ACSS3: variants seen among roughly 807,000 people sequenced by gnomAD.
The protein encoded by ACSS3 is acyl-CoA synthetase short chain family member 3, also known as acyl-CoA synthetase short-chain family member 3, mitochondrial.
A neutral mutation model predicts 84.2 loss-of-function variants in ACSS3; 64 were observed. The ratio of observed to expected loss-of-function variants is 0.76; its 90% CI spans 0.62 to 0.94. The LOEUF is 0.94. ACSS3 is among the 40% of genes least tolerant of loss of function. ACSS3 has a pLI of 0.00. For synonymous variants in ACSS3, 317 were observed against 310.1 expected (o/e 1.02, Z -0.23); for missense variants, 815 against 867.6 (o/e 0.94, Z 0.76).
chr12:81,170,129 G>A (rs2029926715), intron 7 of ACSS3, among the ~76,000 whole-genome samples: 1 of 152,046 alleles, frequency 6.6e-6, no homozygotes, highest in Non-Finnish European at 1.5e-5. Flanking sequence ...TAATAATAAA[G>A]CAAATTTTTT....
At chr12:81,199,294 T>C in intron 8 of ACSS3, 47 bp from the exon 9 acceptor site, 1 of 1,513,042 alleles carries the variant, frequency 6.6e-7, no homozygotes, top group East Asian at 2.3e-5. Flanking sequence ...TACAATTATT[T>C]AGATTTATTT....
chr12:81,114,856 A>G (rs1303036372), intron 2 of ACSS3, among the ~76,000 whole-genome samples: 2 of 152,160 alleles, frequency 1.3e-5, no homozygotes, highest in Non-Finnish European at 2.9e-5. Context: ...AATTCCATGT[A>G]AGCAACAAAG....
At chr12:81,157,768 C>G (rs571691887) in intron 7 of ACSS3, among the ~76,000 whole-genome samples, 1 of 152,170 alleles carries the variant, frequency 6.6e-6, no homozygotes, top group South Asian at 2.1e-4. Context: ...GATCGCAACA[C>G]TGCACTCCAG....
intron 2 of ACSS3, among the ~76,000 whole-genome samples, chr12:81,126,754 C>G (rs1469579798): frequency 6.6e-6 from 1 of 152,062 alleles, no homozygotes; most frequent in African/African-American, 2.4e-5. Flanking sequence ...AAATAATTAT[C>G]TATTTCACTT....
At chr12:81,096,013 A>G (rs908768889) in intron 1 of ACSS3, among the ~76,000 whole-genome samples, 16 of 152,342 alleles carry the variant, frequency 1.1e-4, no homozygotes, top group Admixed American at 6.5e-4. Context: ...CAATTACCCA[A>G]TTTGGAGAGT....
Position 81,255,092 on chromosome 12 carries a change from C to A in ACSS3, c.*170C>A. The A allele has an allele frequency of 1.6e-6, 1 of 606,546 alleles. No individual in the cohort carries two copies. The highest frequency in any genetic ancestry group is 2.6e-6 in the Non-Finnish European group (1 of 377,642). The allele number at this position is 606,546 out of a possible 1,614,324, so 37.6% of individuals were successfully genotyped here. On this transcript the variant is annotated 3_prime_UTR_variant, in exon 16 of 16. Transcript: ENST00000548058. ...AATGAAAACATGTGAAAGACCTGTG[C>A]CTTTTTTTTGGTTTGACCCTGTTAG...
In ACSS3 at chr12:81,254,964, A is replaced by C. The variant is rs2136023537; in HGVS notation, c.*42A>C. The C allele has an allele frequency of 3.5e-6, 5 of 1,428,978 alleles. 1 individual carries two copies. In the Middle Eastern group the frequency reaches 9.2e-4, roughly 262 times the overall value. 88.5% of individuals were successfully genotyped at this position (1,428,978 alleles called of 1,614,324 possible). The stretch of plus-strand genomic sequence containing the variant: ...CTATTTTGAGTTGATTTAATTTCTT[A>C]ATTGAAATTAAATTATTTGAGTTGT... On this transcript the variant is annotated 3_prime_UTR_variant, in exon 16 of 16. Transcript: ENST00000548058.
intron 9 of ACSS3, among the ~76,000 whole-genome samples, chr12:81,200,567 T>C (rs1297897996): frequency 6.6e-6 from 1 of 152,180 alleles, no homozygotes; most frequent in African/African-American, 2.4e-5. Context: ...ATACTTTTTA[T>C]ATTATGTCCT....
intron 8 of ACSS3, among the ~76,000 whole-genome samples, chr12:81,190,400 T>G (rs2031503900): frequency 6.6e-6 from 1 of 152,090 alleles, no homozygotes; most frequent in Non-Finnish European, 1.5e-5. Flanking sequence ...AATGGTATTG[T>G]TTACATTTGC....
chr12:81,172,824 T>C (rs2030180011), intron 7 of ACSS3, among the ~76,000 whole-genome samples: 1 of 152,220 alleles, frequency 6.6e-6, no homozygotes, highest in Admixed American at 6.5e-5. Context: ...TTAATTATGA[T>C]ATTAATATCA....
At chr12:81,136,329 C>T (rs2525841) in intron 3 of ACSS3, among the ~76,000 whole-genome samples, 135,489 of 152,172 alleles carry the variant, frequency 0.89, 61,308 homozygotes, top group Middle Eastern at 0.98. Context: ...TGATCTCTAT[C>T]GCACCTACTC....
At chr12:81,153,481 A>G (rs892119855) in intron 7 of ACSS3, among the ~76,000 whole-genome samples, 6 of 152,066 alleles carry the variant, frequency 3.9e-5, no homozygotes, top group African/African-American at 9.7e-5. Context: ...TGCAGATATT[A>G]TAAGTATATT....
chr12:81,217,402 C>A (rs1470841528), intron 10 of ACSS3, among the ~76,000 whole-genome samples: 4 of 152,132 alleles, frequency 2.6e-5, no homozygotes, highest in African/African-American at 9.7e-5. Flanking sequence ...TGAGATAACA[C>A]TGCTGGTTAG....
At chr12:81,114,791 C>G (rs1262969117) in intron 2 of ACSS3, among the ~76,000 whole-genome samples, 1 of 151,958 alleles carries the variant, frequency 6.6e-6, no homozygotes, top group African/African-American at 2.4e-5. Flanking sequence ...AATATATATT[C>G]AGATAGGAGA....
At chr12:81,141,497 G>A (rs957203555) in intron 4 of ACSS3, among the ~76,000 whole-genome samples, 1 of 152,128 alleles carries the variant, frequency 6.6e-6, no homozygotes, top group African/African-American at 2.4e-5. Flanking sequence ...CGCCTTTTAA[G>A]AATTATAAGA....
Position 81,139,198 on chromosome 12 carries a change from TAGA to T in ACSS3, c.719_721del (p.Glu240del). 6.2e-7 allele frequency: 1 copy of T among 1,614,020 alleles called. No homozygotes were observed. Among genetic ancestry groups the T allele is most frequent in the Non-Finnish European group, 8.5e-7 (1 of 1,179,912 alleles). On this transcript the variant is annotated inframe_deletion, in exon 4 of 16. Transcript: ENST00000548058. The stretch of plus-strand genomic sequence containing the variant: ...AGGAGGGTAGAGTACGTACCACTTG[TAGA>T]AGAAGCGCTAAAAATAGGACAACAC...
At chr12:81,110,640 T>C (rs1883496538) in intron 2 of ACSS3, among the ~76,000 whole-genome samples, 2 of 152,210 alleles carry the variant, frequency 1.3e-5, no homozygotes, top group Non-Finnish European at 2.9e-5. Flanking sequence ...TTGTGGGTGC[T>C]GCCATGTACA....
intron 7 of ACSS3, among the ~76,000 whole-genome samples, chr12:81,169,742 T>C (rs1887567135): frequency 6.6e-6 from 1 of 152,194 alleles, no homozygotes; most frequent in South Asian, 2.1e-4. Flanking sequence ...GTTTAAATGT[T>C]GCTGTCCCAA....
At chr12:81,190,513 A>G (rs181534927) in intron 8 of ACSS3, among the ~76,000 whole-genome samples, 2 of 152,166 alleles carry the variant, frequency 1.3e-5, no homozygotes, top group African/African-American at 4.8e-5. Flanking sequence ...GTTTTAATGT[A>G]TATATGTATG....
Sources: allele counts gnomAD v4.1 joint callset (sites outside exome capture counted in the v4.1 genomes callset), GRCh38; gene constraint gnomAD v4.1.1; transcripts MANE v1.5; gene names NCBI Gene and HGNC (gene_info 2026-07-23, HGNC 2026-07-21).